The following CCSER2 variants were observed in gnomAD, a reference collection of about 807,000 sequenced individuals.
CCSER2 encodes the protein serine-rich coiled-coil domain-containing protein 2.
CCSER2 carries 46 observed loss-of-function variants against 92.3 expected under a neutral mutation model. That is an observed-to-expected ratio of 0.50 (90% CI 0.39 to 0.64). The LOEUF (loss-of-function observed/expected upper bound fraction) is 0.64. Among genes scored for constraint, CCSER2 ranks in the 30% least tolerant of loss-of-function variants. The pLI, the probability that CCSER2 is intolerant of heterozygous loss-of-function variation, is 0.00. For synonymous variants in CCSER2, 433 were observed against 431.4 expected (o/e 1.00, Z -0.04); for missense variants, 1,244 against 1,238.9 (o/e 1.00, Z -0.06).
intron 3 of CCSER2, among the ~76,000 whole-genome samples, chr10:84,382,343 T>A (rs1199851736): frequency 1.3e-5 from 2 of 151,958 alleles, no homozygotes; most frequent in Non-Finnish European, 1.5e-5. Flanking sequence ...TCTAGAGGAG[T>A]TGAGTAAATT....
intron 8 of CCSER2, among the ~76,000 whole-genome samples, chr10:84,471,130 A>G (rs1251059644): frequency 6.6e-6 from 1 of 152,142 alleles, no homozygotes; most frequent in African/African-American, 2.4e-5. Flanking sequence ...TAACAAAGCA[A>G]TTTGGTGAAA....
intron 8 of CCSER2, among the ~76,000 whole-genome samples, chr10:84,476,435 CTTTTTTTTTT>C (rs35978182): frequency 0.014 from 793 of 58,580 alleles, 11 homozygotes; most frequent in African/African-American, 0.046. Context: ...AATTCTCTCT[CTTTTTTTTTT>C]TTTTTTTTTT....
intron 9 of CCSER2, among the ~76,000 whole-genome samples, chr10:84,496,081 TTGC>T (rs1848433772): frequency 6.6e-6 from 1 of 152,040 alleles, no homozygotes; most frequent in Non-Finnish European, 1.5e-5. Context: ...GTTTTAGTTG[TTGC>T]TGTAGGCATT....
intron 7 of CCSER2, among the ~76,000 whole-genome samples, chr10:84,468,699 T>C (rs1846600341): frequency 6.6e-6 from 1 of 152,202 alleles, no homozygotes; most frequent in Non-Finnish European, 1.5e-5. Flanking sequence ...TTTATTCCCG[T>C]TGTCCTCTTA....
intron 9 of CCSER2, among the ~76,000 whole-genome samples, chr10:84,490,855 C>T (rs1273113428): frequency 6.6e-6 from 1 of 152,142 alleles, no homozygotes; most frequent in Non-Finnish European, 1.5e-5. Flanking sequence ...TCTGTTTTTT[C>T]CCCATCTTTG....
chr10:84,353,610 C>T (rs1454952801), intron 1 of CCSER2, among the ~76,000 whole-genome samples: 1 of 152,190 alleles, frequency 6.6e-6, no homozygotes, highest in Non-Finnish European at 1.5e-5. Context: ...TTTAGCCAAT[C>T]CTGACTTAGG....
chr10:84,501,689 C>T (rs1483544471), intron 9 of CCSER2, among the ~76,000 whole-genome samples: 2 of 146,172 alleles, frequency 1.4e-5, no homozygotes, highest in African/African-American at 2.5e-5. Context: ...CACTATCCTA[C>T]AATTCCTACA....
intron 6 of CCSER2, among the ~76,000 whole-genome samples, chr10:84,448,079 C>T (rs184895749): frequency 6.6e-6 from 1 of 152,060 alleles, no homozygotes; most frequent in African/African-American, 2.4e-5. Context: ...CTCTGATACT[C>T]CACACCAATC....
In CCSER2 at chr10:84,503,318, A is replaced by G. The variant is rs187957034; in HGVS notation, c.2326-10131A>G. On this transcript the variant is annotated intron_variant, in intron 9 of 9. Transcript: ENST00000372088. ...AGGAAATTTTGACTTACATTTCTTA[A>G]GTATATTACTAGTCTCTACTTCATG... 2.0e-5 allele frequency among the ~76,000 whole-genome samples: 3 copies of G among 152,320 alleles called. No homozygotes were observed. The East Asian group carries it at 5.8e-4, about 29-fold the overall frequency.
At chr10:84,342,402 G>GT (rs1844239632) in intron 1 of CCSER2, among the ~76,000 whole-genome samples, 2 of 152,106 alleles carry the variant, frequency 1.3e-5, no homozygotes, top group Non-Finnish European at 1.5e-5. Flanking sequence ...TTAGATAATT[G>GT]TAAGACCTTT....
At chr10:84,445,026 T>A (rs2133552899) in intron 6 of CCSER2, among the ~76,000 whole-genome samples, 1 of 152,368 alleles carries the variant, frequency 6.6e-6, no homozygotes, top group East Asian at 1.9e-4. Context: ...CAGGGCTTTT[T>A]AATTATTTTA....
At chr10:84,350,166 A>G (rs945550071) in intron 1 of CCSER2, among the ~76,000 whole-genome samples, 2 of 152,190 alleles carry the variant, frequency 1.3e-5, no homozygotes, top group African/African-American at 2.4e-5. Context: ...AGTAATAATA[A>G]TAACAAAAAG....
intron 3 of CCSER2, among the ~76,000 whole-genome samples, chr10:84,398,706 A>G (rs1304125497): frequency 6.6e-6 from 1 of 152,216 alleles, no homozygotes; most frequent in African/African-American, 2.4e-5. Context: ...AGAAATTTGT[A>G]AAGAATTGAG....
intron 6 of CCSER2, among the ~76,000 whole-genome samples, chr10:84,449,377 G>GA (rs1845128819): frequency 1.3e-5 from 2 of 151,030 alleles, no homozygotes; most frequent in Non-Finnish European, 3.0e-5. Context: ...TCTGTCTCAA[G>GA]AAAAAAATCA....
chr10:84,456,496 T>A (rs148853668), intron 6 of CCSER2, among the ~76,000 whole-genome samples: 18 of 152,324 alleles, frequency 1.2e-4, no homozygotes, highest in Admixed American at 2.6e-4. Flanking sequence ...GAAGGGTATT[T>A]ATGTTGCTTT....
intron 1 of CCSER2, among the ~76,000 whole-genome samples, chr10:84,342,962 T>A (rs1277980773): frequency 6.6e-6 from 1 of 152,094 alleles, no homozygotes; most frequent in Non-Finnish European, 1.5e-5. Flanking sequence ...AACCTCTGCC[T>A]CCCGGGTTCA....
chr10:84,396,296 A>C (rs1276645771), intron 3 of CCSER2, among the ~76,000 whole-genome samples: 1 of 150,534 alleles, frequency 6.6e-6, no homozygotes, highest in Non-Finnish European at 1.5e-5. Flanking sequence ...TAACTATACT[A>C]TATTTATACT....
intron 7 of CCSER2, among the ~76,000 whole-genome samples, chr10:84,468,089 A>G (rs539130922): frequency 8.1e-4 from 123 of 152,266 alleles, no homozygotes; most frequent in South Asian, 5.4e-3. Context: ...TTACTAGCCA[A>G]TTGCTTCTCA....
At chr10:84,360,759 T>C (rs1242889152) in intron 1 of CCSER2, among the ~76,000 whole-genome samples, 2 of 152,198 alleles carry the variant, frequency 1.3e-5, no homozygotes, top group African/African-American at 2.4e-5. Context: ...ACCTTTGATA[T>C]GTTGGTTCAG....
Sources: gnomAD v4.1 joint callset for allele counts (sites outside exome capture counted in the v4.1 genomes callset) on GRCh38, gnomAD v4.1.1 for gene constraint, MANE v1.5 for transcripts, NCBI Gene and HGNC (gene_info 2026-07-23, HGNC 2026-07-21) for gene names.